The following WWOX variants were observed in gnomAD, a reference collection of about 807,000 sequenced individuals.
The protein encoded by WWOX is WW domain-containing oxidoreductase.
WWOX carries 69 observed loss-of-function variants against 46.2 expected under a neutral mutation model. That is an observed-to-expected ratio of 1.49 (90% CI 1.23 to 1.82). The LOEUF (loss-of-function observed/expected upper bound fraction) is 1.82. Ranked by LOEUF, WWOX falls within the 40% of genes most tolerant of loss-of-function variation. The pLI, the probability that WWOX is intolerant of heterozygous loss-of-function variation, is 0.00. For synonymous variants in WWOX, 359 were observed against 202.6 expected (o/e 1.77, Z -6.56); for missense variants, 919 against 542.6 (o/e 1.69, Z -6.89).
At chr16:78,731,330 G>T (rs761838934) in intron 8 of WWOX, among the ~76,000 whole-genome samples, 23 of 152,122 alleles carry the variant, frequency 1.5e-4, no homozygotes, top group Admixed American at 1.4e-3. Context: ...TGCTTTTTCA[G>T]GTAGAGGCTG....
intron 8 of WWOX, among the ~76,000 whole-genome samples, chr16:78,668,091 C>A (rs953202484): frequency 6.6e-6 from 1 of 152,118 alleles, no homozygotes; most frequent in Non-Finnish European, 1.5e-5. Context: ...CCAGCCTGGC[C>A]ACCATGGTGA....
Position 78,367,995 on chromosome 16 carries a change from G to A in WWOX, c.517-18865G>A, listed in dbSNP as rs2081579912. Among the ~76,000 whole-genome samples the A allele has an allele frequency of 2.6e-5, 4 of 152,150 alleles. No individual in the cohort carries two copies. The South Asian group carries it at 8.3e-4, about 31-fold the overall frequency. On this transcript the variant is annotated intron_variant, in intron 5 of 8. Coordinates refer to ENST00000566780, the MANE Select transcript of WWOX (RefSeq NM_016373.4). Reference sequence around the variant, plus strand: ...TGGTGTCAAACTCCTGATCTTAGGTGATCTGCCTGCCTCAGCCTCCCAAAG... The same window carrying A: ...TGGTGTCAAACTCCTGATCTTAGGTAATCTGCCTGCCTCAGCCTCCCAAAG...
chr16:78,121,263 A>G (rs1021338545), intron 4 of WWOX, among the ~76,000 whole-genome samples: 3 of 152,228 alleles, frequency 2.0e-5, no homozygotes, highest in African/African-American at 4.8e-5. Context: ...AATTAAAAAC[A>G]TTTGTGCCTA....
At chr16:79,174,445 T>G (rs917284394) in intron 8 of WWOX, among the ~76,000 whole-genome samples, 1 of 152,120 alleles carries the variant, frequency 6.6e-6, no homozygotes, top group African/African-American at 2.4e-5. Flanking sequence ...GGTCAGGAGT[T>G]TGAGATTAGC....
chr16:78,611,390 G>T (rs1218137596), intron 8 of WWOX, among the ~76,000 whole-genome samples: 1 of 152,138 alleles, frequency 6.6e-6, no homozygotes, highest in African/African-American at 2.4e-5. Context: ...GAGATTACTT[G>T]GTTTGAAATG....
intron 8 of WWOX, among the ~76,000 whole-genome samples, chr16:78,822,770 T>C (rs2051538913): frequency 6.6e-6 from 1 of 152,090 alleles, no homozygotes; most frequent in South Asian, 2.1e-4. Flanking sequence ...GAACTAAAGG[T>C]AGGGGAGATT....
chr16:78,412,038 G>T (rs1567556706), intron 6 of WWOX, among the ~76,000 whole-genome samples: 1 of 152,194 alleles, frequency 6.6e-6, no homozygotes, highest in East Asian at 1.9e-4. Context: ...CCAGATGTGA[G>T]GGTGCCCTCC....
intron 8 of WWOX, among the ~76,000 whole-genome samples, chr16:79,017,838 A>T (rs962389219): frequency 6.6e-6 from 1 of 152,224 alleles, no homozygotes; most frequent in Non-Finnish European, 1.5e-5. Flanking sequence ...GGCTGTACAT[A>T]AACAGGCTGG....
intron 8 of WWOX, among the ~76,000 whole-genome samples, chr16:78,541,518 A>C (rs1001984793): frequency 5.3e-5 from 8 of 150,748 alleles, no homozygotes; most frequent in Admixed American, 1.3e-4. Flanking sequence ...ACACGTACAC[A>C]GACAAATGTT....
intron 8 of WWOX, among the ~76,000 whole-genome samples, chr16:78,712,610 G>C (rs2048467099): frequency 6.6e-6 from 1 of 152,070 alleles, no homozygotes; most frequent in East Asian, 1.9e-4. Context: ...TGCTCTCAAA[G>C]ACATTTTTCT....
At chr16:78,481,847 T>C (rs2084500265) in intron 8 of WWOX, among the ~76,000 whole-genome samples, 1 of 151,084 alleles carries the variant, frequency 6.6e-6, no homozygotes, top group African/African-American at 2.4e-5. Context: ...TCTATGAACC[T>C]TTTCTATTAA....
At chr16:78,605,960 A>G (rs1567431311) in intron 8 of WWOX, among the ~76,000 whole-genome samples, 2 of 152,204 alleles carry the variant, frequency 1.3e-5, no homozygotes, top group Non-Finnish European at 2.9e-5. Context: ...TCAGCATCTG[A>G]ATTGAATGGG....
At chr16:78,694,205 T>G (rs1597454888) in intron 8 of WWOX, among the ~76,000 whole-genome samples, 1 of 152,166 alleles carries the variant, frequency 6.6e-6, no homozygotes, top group East Asian at 1.9e-4. Flanking sequence ...AGAGAGAAAC[T>G]GTGTCTCAAA....
chr16:78,431,337 C>T (rs1395394713), intron 7 of WWOX, among the ~76,000 whole-genome samples: 1 of 152,174 alleles, frequency 6.6e-6, no homozygotes, highest in South Asian at 2.1e-4. Context: ...GATGGTACCT[C>T]ACCAAGGTTA....
At chr16:78,702,042 T>TAA (rs1555519559) in intron 8 of WWOX, among the ~76,000 whole-genome samples, 16 of 120,966 alleles carry the variant, frequency 1.3e-4, no homozygotes, top group African/African-American at 6.0e-4. Flanking sequence ...TATATATATA[T>TAA]ATAAAATAAT....
chr16:78,701,969 G>C (rs898361679), intron 8 of WWOX, among the ~76,000 whole-genome samples: 1 of 142,136 alleles, frequency 7.0e-6, no homozygotes, highest in Non-Finnish European at 1.5e-5. Flanking sequence ...AGGATCATTT[G>C]AGCCCAGGAG....
chr16:78,829,028 C>G (rs1307174099), intron 8 of WWOX, among the ~76,000 whole-genome samples: 1 of 152,018 alleles, frequency 6.6e-6, no homozygotes, highest in Non-Finnish European at 1.5e-5. Flanking sequence ...GCCATTCCAC[C>G]CCATCATAAA....
At chr16:78,519,680 C>G (rs1268170979) in intron 8 of WWOX, among the ~76,000 whole-genome samples, 1 of 151,922 alleles carries the variant, frequency 6.6e-6, no homozygotes, top group African/African-American at 2.4e-5. Context: ...GTACTAATCC[C>G]CATGAATGGG....
At chr16:78,839,914 A>G (rs1324756993) in intron 8 of WWOX, among the ~76,000 whole-genome samples, 1 of 152,174 alleles carries the variant, frequency 6.6e-6, no homozygotes, top group African/African-American at 2.4e-5. Flanking sequence ...TAAGCGCACA[A>G]ATCCTGCATT....
Sources: gnomAD v4.1 joint callset for allele counts (sites outside exome capture counted in the v4.1 genomes callset) on GRCh38, gnomAD v4.1.1 for gene constraint, MANE v1.5 for transcripts, NCBI Gene and HGNC (gene_info 2026-07-23, HGNC 2026-07-21) for gene names.